Variants in ZNF682 observed in about 807,000 individuals in gnomAD.
The protein encoded by ZNF682 is zinc finger protein 682.
In ZNF682, 29 loss-of-function variants were observed where a neutral mutation model predicts 36.5. The observed-to-expected ratio is 0.80, with a 90% CI of 0.59 to 1.08. The LOEUF (loss-of-function observed/expected upper bound fraction) is 1.08. ZNF682 is among the 50% of genes least tolerant of loss of function. The probability of loss-of-function intolerance (pLI) is 0.00; values close to 1 mark genes in which losing one functional copy is unlikely to be tolerated. For synonymous variants in ZNF682, 180 were observed against 197.0 expected, an observed-to-expected ratio of 0.91 and a Z score of 0.72; for missense variants, 561 against 579.7, an observed-to-expected ratio of 0.97 and a Z score of 0.33.
In ZNF682 at chr19:20,039,449, A is replaced by G; in HGVS notation, c.-104T>C. ...GACAGTCACCGGGAACTACTAGAGCAGAGGATACTAAGCAATGAAGATGGA... is the reference window on the plus strand; with the variant it reads ...GACAGTCACCGGGAACTACTAGAGCGGAGGATACTAAGCAATGAAGATGGA... On this transcript the variant is annotated 5_prime_UTR_variant, in exon 1 of 4. Transcript: ENST00000397165. 6.7e-7 allele frequency: 1 copy of G among 1,492,808 alleles called. No individual in the cohort carries two copies. The highest frequency in any genetic ancestry group is 9.2e-7 in the Non-Finnish European group (1 of 1,089,726). 92.5% of individuals were successfully genotyped at this position (1,492,808 alleles called of 1,614,324 possible).
intron 1 of ZNF682, among the ~76,000 whole-genome samples, chr19:20,032,057 C>G (rs990477758): frequency 6.6e-6 from 1 of 152,196 alleles, no homozygotes; most frequent in African/African-American, 2.4e-5. Flanking sequence ...GAGGTGAATA[C>G]ATTGCTCAAA....
intron 3 of ZNF682, chr19:20,015,250 T>A: frequency 1.0e-6 from 1 of 985,276 alleles, no homozygotes; most frequent in South Asian, 4.7e-5. Context: ...TTTACAACAA[T>A]TCTCATGACT....
At chr19:20,024,007 A>T (rs1024684175) in intron 2 of ZNF682, among the ~76,000 whole-genome samples, 5 of 152,038 alleles carry the variant, frequency 3.3e-5, no homozygotes, top group South Asian at 2.1e-4. Flanking sequence ...TAAAATAAAA[A>T]AATAGAATTA....
intron 3 of ZNF682, among the ~76,000 whole-genome samples, chr19:20,022,168 CAA>C (rs1029656204): frequency 8.2e-5 from 5 of 61,032 alleles, no homozygotes; most frequent in Non-Finnish European, 6.7e-5. Flanking sequence ...AACTCCGTCG[CAA>C]AAAAAAAAAA....
At chr19:20,014,435 A>G (rs2088316920) in intron 3 of ZNF682, among the ~76,000 whole-genome samples, 1 of 152,176 alleles carries the variant, frequency 6.6e-6, no homozygotes, top group East Asian at 1.9e-4. Context: ...GAAAAATACA[A>G]TTTATAATAT....
intron 3 of ZNF682, among the ~76,000 whole-genome samples, chr19:20,011,034 G>A (rs1051513867): frequency 6.6e-6 from 1 of 150,764 alleles, no homozygotes; most frequent in African/African-American, 2.4e-5. Context: ...AAAAAACCAA[G>A]ACTTAACCTT....
At position 20,006,424 on chromosome 19, in the gene ZNF682, T is replaced by C. The variant is rs1469600976; in HGVS notation, c.1078A>G (p.Lys360Glu). 2 of 1,613,708 alleles carry C rather than the reference T, an allele frequency of 1.2e-6. No individual in the cohort carries two copies. Among genetic ancestry groups the C allele is most frequent in the East Asian group, 4.5e-5 (2 of 44,876 alleles). ...GGTTTCTCTCCGCTATGAATTACCT[T>C]ATGTTCAGTAAGAATTGATGATGAG... Reference protein sequence around the residue: ...FNSSSILTEHKVIHSGEKPYK... With the variant: ...FNSSSILTEHEVIHSGEKPYK... Residue 360 changes from lysine to glutamate, a missense_variant, in exon 4 of 4, where the codon AAG (lysine) becomes GAG (glutamate). Coordinates refer to ENST00000397165, the MANE Select transcript of ZNF682 (RefSeq NM_033196.3).
intron 1 of ZNF682, among the ~76,000 whole-genome samples, chr19:20,028,279 C>T (rs2088450090): frequency 6.6e-6 from 1 of 152,056 alleles, no homozygotes; most frequent in South Asian, 2.1e-4. Flanking sequence ...GTGATCTCGG[C>T]TCACTGCAAT....
intron 3 of ZNF682, among the ~76,000 whole-genome samples, chr19:20,016,488 A>T (rs949172613): frequency 1.3e-5 from 2 of 152,290 alleles, no homozygotes; most frequent in African/African-American, 4.8e-5. Context: ...ATCAACAGAG[A>T]TTTAAAAAAC....
At chr19:20,019,819 T>A (rs144611530) in intron 3 of ZNF682, among the ~76,000 whole-genome samples, 1 of 152,156 alleles carries the variant, frequency 6.6e-6, no homozygotes, top group Non-Finnish European at 1.5e-5. Context: ...GAGACACTTA[T>A]ATTTTTTGGG....
chr19:20,014,368 A>C (rs1251959356), intron 3 of ZNF682, among the ~76,000 whole-genome samples: 1 of 152,252 alleles, frequency 6.6e-6, no homozygotes, highest in Non-Finnish European at 1.5e-5. Context: ...TAATTGTAGC[A>C]TTATTCACAA....
At position 20,018,422 on chromosome 19, in the gene ZNF682, G is replaced by A. The variant is rs577563225; in HGVS notation, c.226+4582C>T. Among the ~76,000 whole-genome samples, 8 of 152,130 alleles carry A rather than the reference G, an allele frequency of 5.3e-5. No homozygotes were observed. The South Asian group carries it at 1.7e-3, about 32-fold the overall frequency. ...CAAATTCTTTTAGGAGCTATAACTA[G>A]CAAAACACCCTTTAAAAAGAACAAC... is the stretch of plus-strand genomic sequence containing the variant. On this transcript the variant is annotated intron_variant, in intron 3 of 3. Coordinates refer to ENST00000397165, the MANE Select transcript of ZNF682 (RefSeq NM_033196.3).
chr19:20,017,526 ATATAAC>A (rs1466773420), intron 3 of ZNF682, among the ~76,000 whole-genome samples: 2 of 152,226 alleles, frequency 1.3e-5, no homozygotes, highest in Non-Finnish European at 2.9e-5. Flanking sequence ...TATAACTGTT[ATATAAC>A]TATAACACAT....
At chr19:20,037,111 G>C (rs4808228) in intron 1 of ZNF682, among the ~76,000 whole-genome samples, 92,985 of 152,024 alleles carry the variant, frequency 0.61, 30,892 homozygotes, top group Middle Eastern at 0.79. Context: ...ATTTGTATTT[G>C]CTTCTGCAAA....
At chr19:20,008,815 G>T (rs1444174171) in intron 3 of ZNF682, among the ~76,000 whole-genome samples, 2 of 152,084 alleles carry the variant, frequency 1.3e-5, no homozygotes, top group African/African-American at 4.8e-5. Context: ...GCACTCTTAA[G>T]TGCCATCTAC....
At chr19:20,034,465 C>T (rs2335889) in intron 1 of ZNF682, 119,370 of 152,070 alleles carry the variant, frequency 0.78, 46,998 homozygotes, top group Middle Eastern at 0.87. Context: ...CTGTAAATGC[C>T]GCATGCCTAA....
downstream of ZNF682, among the ~76,000 whole-genome samples, chr19:20,002,640 A>G (rs1372347984): frequency 6.6e-6 from 1 of 152,208 alleles, no homozygotes; most frequent in East Asian, 1.9e-4. Flanking sequence ...TGATGTCCTC[A>G]CGGCAATTTT....
At chr19:19,995,677 G>T (rs916209736), downstream of ZNF682, among the ~76,000 whole-genome samples, 58 of 150,224 alleles carry the variant, frequency 3.9e-4, 1 homozygote, top group Admixed American at 2.0e-3. Flanking sequence ...CTCCATACCA[G>T]ACTATGGAGG....
intron 3 of ZNF682, among the ~76,000 whole-genome samples, chr19:19,998,788 A>G (rs1410049230): frequency 6.6e-6 from 1 of 152,136 alleles, no homozygotes; most frequent in Non-Finnish European, 1.5e-5. Flanking sequence ...ATCTCGTAGC[A>G]TTGGAATTTG....
Sources: allele counts gnomAD v4.1 joint callset (sites outside exome capture counted in the v4.1 genomes callset), GRCh38; gene constraint gnomAD v4.1.1; transcripts MANE v1.5; gene names NCBI Gene and HGNC (gene_info 2026-07-23, HGNC 2026-07-21).